Variants in PPME1 observed in about 807,000 individuals in gnomAD.
PPME1 encodes the protein testicular secretory protein Li 39.
In PPME1, 17 loss-of-function variants were observed where a neutral mutation model predicts 56.9. The observed-to-expected ratio is 0.30, with a 90% CI of 0.20 to 0.45. The LOEUF is 0.45. Ranked by LOEUF, PPME1 falls within the 20% of genes least tolerant of loss-of-function variation. PPME1 has a pLI of 1.00. For missense variants in PPME1, 357 were observed against 483.2 expected (o/e 0.74, Z 2.45); for synonymous variants, 122 against 156.2 (o/e 0.78, Z 1.63).
At chr11:74,235,632 T>G in intron 7 of PPME1, 1 of 396,208 alleles carries the variant, frequency 2.5e-6, no homozygotes, top group East Asian at 5.2e-5. Flanking sequence ...CCCTACCGAA[T>G]TATGTGCTTT....
At chr11:74,193,290 C>A (rs753032635) in intron 1 of PPME1, among the ~76,000 whole-genome samples, 12 of 152,164 alleles carry the variant, frequency 7.9e-5, no homozygotes, top group Non-Finnish European at 1.3e-4. Context: ...ATAGTGACAC[C>A]GTTGCTTTCT....
chr11:74,239,907 ATCTG>A (rs919249317), intron 9 of PPME1, among the ~76,000 whole-genome samples: 4 of 150,282 alleles, frequency 2.7e-5, no homozygotes, highest in Non-Finnish European at 5.9e-5. Flanking sequence ...TACCCTGTCC[ATCTG>A]TCTTTCAAAG....
At chr11:74,251,293 G>A (rs966363535) in intron 12 of PPME1, 2 of 1,360,562 alleles carry the variant, frequency 1.5e-6, no homozygotes, top group East Asian at 5.4e-5. Flanking sequence ...ACCCCCAAAA[G>A]CCAGAGATGG....
chr11:74,196,812 A>G (rs1341848215), intron 1 of PPME1, among the ~76,000 whole-genome samples: 1 of 152,196 alleles, frequency 6.6e-6, no homozygotes, highest in Non-Finnish European at 1.5e-5. Context: ...TATTTTTGCA[A>G]GAATGGATAT....
In PPME1 at chr11:74,171,296, G is replaced by A. The variant is rs1857206866; in HGVS notation, c.-126G>A. ...CGGTGGGCGGTAGGCGGTGCTACGG[G>A]TAGCTGGGTGCTGTCCAAAGGCGAC... On this transcript the variant is annotated 5_prime_UTR_variant, in exon 1 of 14. Coordinates refer to ENST00000328257, the MANE Select transcript of PPME1 (RefSeq NM_016147.3). The A allele has an allele frequency of 6.6e-7, 1 of 1,506,266 alleles. No individual in the cohort carries two copies. The highest frequency in any genetic ancestry group is 1.3e-5 in the South Asian group (1 of 78,350). 93.3% of individuals were successfully genotyped at this position (1,506,266 alleles called of 1,614,324 possible). A position where few individuals can be genotyped will look rare whatever the true frequency, so the allele number is the denominator to read the frequency against.
At chr11:74,205,944 A>G (rs1858316743) in intron 3 of PPME1, 1 of 152,048 alleles carries the variant, frequency 6.6e-6, no homozygotes, top group Non-Finnish European at 1.5e-5. Context: ...TATGTATTTA[A>G]CTATTGTATC....
intron 11 of PPME1, 21 bp from the exon 12 acceptor site, chr11:74,250,933 C>T: frequency 6.3e-7 from 1 of 1,583,248 alleles, no homozygotes; most frequent in East Asian, 2.3e-5. Flanking sequence ...CTGAAGTTGC[C>T]TTGCTTTGAT....
intron 1 of PPME1, among the ~76,000 whole-genome samples, chr11:74,197,186 TTAAG>T (rs1445288604): frequency 6.6e-6 from 1 of 152,218 alleles, no homozygotes; most frequent in Non-Finnish European, 1.5e-5. Context: ...TTTATAAGGA[TTAAG>T]TAAGGATTAT....
At chr11:74,246,726 A>G (rs1859513929) in intron 10 of PPME1, among the ~76,000 whole-genome samples, 2 of 152,166 alleles carry the variant, frequency 1.3e-5, no homozygotes, top group South Asian at 4.1e-4. Flanking sequence ...TCTAAACCTA[A>G]CTAAGCATAA....
At chr11:74,212,657 C>T (rs1464086993) in intron 3 of PPME1, among the ~76,000 whole-genome samples, 1 of 151,988 alleles carries the variant, frequency 6.6e-6, no homozygotes, top group Non-Finnish European at 1.5e-5. Flanking sequence ...ACTTGGATAC[C>T]AGCTCAGCTA....
intron 1 of PPME1, among the ~76,000 whole-genome samples, chr11:74,175,147 A>G (rs1365690591): frequency 1.3e-5 from 2 of 152,222 alleles, no homozygotes; most frequent in Non-Finnish European, 2.9e-5. Context: ...TACTATTACT[A>G]TTAGAGGAAC....
At chr11:74,177,138 T>C (rs1019513820) in intron 1 of PPME1, among the ~76,000 whole-genome samples, 9 of 152,156 alleles carry the variant, frequency 5.9e-5, no homozygotes, top group Non-Finnish European at 1.3e-4. Flanking sequence ...TTTAGTCCTT[T>C]ACCCATTACG....
intron 9 of PPME1, 91 bp downstream of exon 9, chr11:74,239,347 G>C: frequency 6.6e-7 from 1 of 1,507,828 alleles, no homozygotes. Flanking sequence ...TGTTCTTTTT[G>C]TTTGCCATTA....
intron 1 of PPME1, among the ~76,000 whole-genome samples, chr11:74,193,460 A>G (rs1857896674): frequency 6.6e-6 from 1 of 152,268 alleles, no homozygotes; most frequent in Non-Finnish European, 1.5e-5. Flanking sequence ...GTGTATATGC[A>G]GATAATCCAA....
intron 1 of PPME1, among the ~76,000 whole-genome samples, chr11:74,174,340 T>C (rs780998617): frequency 2.6e-5 from 4 of 152,244 alleles, no homozygotes; most frequent in Non-Finnish European, 5.9e-5. Flanking sequence ...GGGATACTTA[T>C]TTTGAGTTGT....
chr11:74,218,798 G>T (rs1249261640), intron 3 of PPME1, among the ~76,000 whole-genome samples: 2 of 152,096 alleles, frequency 1.3e-5, no homozygotes, highest in East Asian at 3.8e-4. Flanking sequence ...AGAAAACATT[G>T]AGAAAACTCT....
chr11:74,230,522 A>G lies in PPME1; in HGVS notation c.553+123A>G, dbSNP rs1859038910. The G allele has an allele frequency of 1.7e-6, 2 of 1,201,816 alleles. No individual in the cohort carries two copies. The highest frequency in any genetic ancestry group is 1.5e-5 in the African/African-American group (1 of 64,724). The allele number at this position is 1,201,816 out of a possible 1,614,324, so 74.4% of individuals were successfully genotyped here. A position where few individuals can be genotyped will look rare whatever the true frequency, so the allele number is the denominator to read the frequency against. On this transcript the variant is annotated intron_variant, in intron 6 of 13. Transcript: ENST00000328257. This position sits in a 1 kb window ranked among gnomAD's most constrained non-coding sequence, Gnocchi z 4.9. ...TCTTGAAATATGTCCCTCTGTCTTTATATCTTTTTTAAGTTTATACAAGAT... is the reference window on the plus strand; with the variant it reads ...TCTTGAAATATGTCCCTCTGTCTTTGTATCTTTTTTAAGTTTATACAAGAT...
At chr11:74,189,846 T>C (rs1371886705) in intron 1 of PPME1, among the ~76,000 whole-genome samples, 1 of 152,210 alleles carries the variant, frequency 6.6e-6, no homozygotes, top group Non-Finnish European at 1.5e-5. Context: ...ACTTTTAAGA[T>C]AATTGTCTTT....
At chr11:74,184,109 T>C (rs1399164898) in intron 1 of PPME1, among the ~76,000 whole-genome samples, 1 of 152,220 alleles carries the variant, frequency 6.6e-6, no homozygotes, top group South Asian at 2.1e-4. Context: ...AAGAAATATA[T>C]CTTAGGTGGC....
Sources: allele counts gnomAD v4.1 joint callset (sites outside exome capture counted in the v4.1 genomes callset), GRCh38; gene constraint gnomAD v4.1.1; non-coding constraint Gnocchi (gnomAD v3.1); transcripts MANE v1.5; gene names NCBI Gene and HGNC (gene_info 2026-07-23, HGNC 2026-07-21).